Variants in FNDC7 observed in about 807,000 individuals in gnomAD.
FNDC7 encodes fibronectin type III domain containing 7.
A neutral mutation model predicts 74.2 loss-of-function variants in FNDC7; 66 were observed. That is an observed-to-expected ratio of 0.89 (90% confidence interval 0.73 to 1.09). The LOEUF (loss-of-function observed/expected upper bound fraction) is 1.09, where lower values mean the gene tolerates loss of function less well. Among genes scored for constraint, FNDC7 ranks in the 50% least tolerant of loss-of-function variants. FNDC7 has a pLI of 0.00. For missense variants in FNDC7, 829 were observed against 893.4 expected (o/e 0.93, Z 0.92); for synonymous variants, 307 against 330.2 (o/e 0.93, Z 0.76).
intron 10 of FNDC7, chr1:108,734,359 T>A (rs1661461731): frequency 6.6e-6 from 1 of 152,150 alleles, no homozygotes; most frequent in Non-Finnish European, 1.5e-5. Context: ...GCAACTACCA[T>A]CTCACCAGAG....
At chr1:108,719,358 A>G (rs529866742) in intron 4 of FNDC7, among the ~76,000 whole-genome samples, 1 of 152,296 alleles carries the variant, frequency 6.6e-6, no homozygotes, top group East Asian at 1.9e-4. Context: ...AAGTTTACCC[A>G]TCACCCCTTG....
Position 108,730,766 on chromosome 1 carries a change from G to A in FNDC7, c.1717G>A (p.Val573Ile). Reference sequence around the variant, plus strand: ...TATTGGGAGAGTGGCTCAAACCCATGTTGCAGTTCTGGAGTCACACACTGG... The same window carrying A: ...TATTGGGAGAGTGGCTCAAACCCATATTGCAGTTCTGGAGTCACACACTGG... ...WTIGRVAQTH[V>I]AVLESHTGQS... is the part of the protein sequence containing the mutation. The change falls in exon 9 of 13, where the codon GTT becomes ATT. Residue 573 changes from valine to isoleucine, a missense_variant. Coordinates refer to ENST00000370017, the MANE Select transcript of FNDC7 (RefSeq NM_001144937.3). 6.2e-7 allele frequency: 1 copy of A among 1,613,926 alleles called. No homozygotes were observed. Among genetic ancestry groups the A allele is most frequent in the East Asian group, 2.2e-5 (1 of 44,848 alleles).
chr1:108,719,103 G>A, intron 4 of FNDC7, 54 bp downstream of exon 4: 1 of 1,541,758 alleles, frequency 6.5e-7, no homozygotes, highest in Non-Finnish European at 8.8e-7. Flanking sequence ...TAATGAGGGG[G>A]GCTGTGTGTT....
intron 4 of FNDC7, among the ~76,000 whole-genome samples, chr1:108,721,122 A>G (rs1661083184): frequency 6.6e-6 from 1 of 152,222 alleles, no homozygotes; most frequent in African/African-American, 2.4e-5. Context: ...CCCACGGGAA[A>G]ATCATGGCAG....
At chr1:108,725,576 T>C (rs920311291) in intron 5 of FNDC7, among the ~76,000 whole-genome samples, 174 bp from the exon 6 acceptor site, 1 of 152,248 alleles carries the variant, frequency 6.6e-6, no homozygotes, top group Non-Finnish European at 1.5e-5. Context: ...TTTGGTCCTA[T>C]AAAGAAAATC....
chr1:108,737,466 T>C (rs757054495), intron 10 of FNDC7, 29 bp from the exon 11 acceptor site: 3 of 1,549,428 alleles, frequency 1.9e-6, no homozygotes, highest in Admixed American at 2.0e-5. Context: ...GAATAGATTT[T>C]ATTTTAAATG....
intron 4 of FNDC7, among the ~76,000 whole-genome samples, chr1:108,721,774 C>T (rs1456583786): frequency 6.6e-6 from 1 of 152,168 alleles, no homozygotes; most frequent in African/African-American, 2.4e-5. Context: ...TTCCTTCCTT[C>T]CTTTTGATAA....
chr1:108,739,544 C>G (rs1032992304), intron 11 of FNDC7, among the ~76,000 whole-genome samples: 3 of 152,158 alleles, frequency 2.0e-5, no homozygotes, highest in Admixed American at 1.3e-4. Context: ...AGTCTTGGGC[C>G]CCATCCTGAC....
rs1661113036 is a variant in FNDC7 at position 108,722,405 on chromosome 1, A to G, written c.669A>G (p.Ala223=). 6.2e-7 allele frequency: 1 copy of G among 1,614,192 alleles called. No homozygotes were observed. The highest frequency in any genetic ancestry group is 8.5e-7 in the Non-Finnish European group (1 of 1,180,014). ...SGALKASFSW[A]RAEGAFNYTV... Reference sequence around the variant, plus strand: ...CTCTGAAGGCATCTTTTTCCTGGGCACGGGCAGAAGGAGCTTTCAATTATA... The same window carrying G: ...CTCTGAAGGCATCTTTTTCCTGGGCGCGGGCAGAAGGAGCTTTCAATTATA... The change falls in exon 5 of 13, where the codon GCA becomes GCG. Residue 223 remains alanine, a synonymous_variant. Transcript: ENST00000370017.
intron 2 of FNDC7, among the ~76,000 whole-genome samples, chr1:108,715,640 C>T (rs1261173884): frequency 6.9e-6 from 1 of 145,450 alleles, no homozygotes; most frequent in Admixed American, 7.3e-5. Flanking sequence ...TGTCTTGGCT[C>T]ATACACAAAC....
At chr1:108,725,074 C>T (rs1221854646) in intron 5 of FNDC7, among the ~76,000 whole-genome samples, 2 of 151,518 alleles carry the variant, frequency 1.3e-5, no homozygotes, top group African/African-American at 4.8e-5. Context: ...GAGTGAGACT[C>T]TGTCTCAAAA....
chr1:108,714,379 A>T (rs1258173922), intron 2 of FNDC7, among the ~76,000 whole-genome samples: 1 of 152,160 alleles, frequency 6.6e-6, no homozygotes, highest in Non-Finnish European at 1.5e-5. Flanking sequence ...AAGTTTTTAA[A>T]AATTTCTATT....
At position 108,730,828 on chromosome 1, in the gene FNDC7, C is replaced by T. The variant is rs779462169; in HGVS notation, c.1779C>T (p.Leu593=). The change falls in exon 9 of 13, where the codon CTC becomes CTT. Residue 593 remains leucine, a synonymous_variant. Coordinates refer to ENST00000370017, the MANE Select transcript of FNDC7 (RefSeq NM_001144937.3). The part of the protein sequence containing the change: ...SKCHTHQNHC[L]LGCITCGINY... The stretch of plus-strand genomic sequence containing the variant: ...GTCACACTCATCAAAACCACTGCCT[C>T]CTAGGATGCATCACATGTGGCATCA... 7.4e-6 allele frequency: 12 copies of T among 1,613,858 alleles called. No homozygotes were observed. The highest frequency in any genetic ancestry group is 1.0e-5 in the Non-Finnish European group (12 of 1,179,948).
At chr1:108,720,133 G>A (rs919452877) in intron 4 of FNDC7, among the ~76,000 whole-genome samples, 14 of 152,144 alleles carry the variant, frequency 9.2e-5, no homozygotes, top group Admixed American at 8.5e-4. Flanking sequence ...TTCCTAGGCT[G>A]GCTGGCTTGC....
chr1:108,723,153 T>C (rs1661133981), intron 5 of FNDC7, among the ~76,000 whole-genome samples: 1 of 152,230 alleles, frequency 6.6e-6, no homozygotes, highest in African/African-American at 2.4e-5. Context: ...TAACACTTAA[T>C]GAAGACCTAC....
At chr1:108,737,847 G>A (rs1411210046) in intron 11 of FNDC7, among the ~76,000 whole-genome samples, 1 of 152,224 alleles carries the variant, frequency 6.6e-6, no homozygotes, top group South Asian at 2.1e-4. Context: ...GTACACTGGA[G>A]TCACCTGGAG....
intron 5 of FNDC7, among the ~76,000 whole-genome samples, chr1:108,725,344 C>G (rs1661185572): frequency 6.6e-6 from 1 of 152,086 alleles, no homozygotes; most frequent in South Asian, 2.1e-4. Context: ...ATCTCTAAAA[C>G]AGGTAACTTC....
In FNDC7 at chr1:108,742,118, T is replaced by G; in HGVS notation, c.*231T>G. 1 of 378,556 alleles carries G rather than the reference T, an allele frequency of 2.6e-6. No homozygotes were observed. Among genetic ancestry groups the G allele is most frequent in the South Asian group, 3.2e-5 (1 of 31,744 alleles). 23.4% of individuals were successfully genotyped at this position (378,556 alleles called of 1,614,324 possible). A position where few individuals can be genotyped will look rare whatever the true frequency, so the allele number is the denominator to read the frequency against. On this transcript the variant is annotated 3_prime_UTR_variant, in exon 13 of 13. Transcript: ENST00000370017. Reference sequence around the variant, plus strand: ...GCTATGTGAGGACTCTGGAGAGAAATGAATCCAGAAAGTCCCCTGGACGGC... The same window carrying G: ...GCTATGTGAGGACTCTGGAGAGAAAGGAATCCAGAAAGTCCCCTGGACGGC...
In FNDC7 at chr1:108,725,115, A is replaced by G. The variant is rs532842436; in HGVS notation, c.857-635A>G. ...AATAAATAAAATAAAAAATAAATTT[A>G]AAAAAATAGTTTTTTTAATAAAAGA... On this transcript the variant is annotated intron_variant, in intron 5 of 12. Transcript: ENST00000370017. 2.0e-5 allele frequency among the ~76,000 whole-genome samples: 3 copies of G among 152,054 alleles called. No individual in the cohort carries two copies. The East Asian group carries it at 5.8e-4, about 29-fold the overall frequency.
Sources: allele counts gnomAD v4.1 joint callset (sites outside exome capture counted in the v4.1 genomes callset), GRCh38; gene constraint gnomAD v4.1.1; transcripts MANE v1.5; gene names NCBI Gene and HGNC (gene_info 2026-07-23, HGNC 2026-07-21).